ZGPAT: variants seen among roughly 807,000 people sequenced by gnomAD.
The protein encoded by ZGPAT is zinc finger CCCH-type and G-patch domain containing, also known as zinc finger CCCH-type with G patch domain-containing protein.
ZGPAT carries 39 observed loss-of-function variants against 47.9 expected under a neutral mutation model. That is an observed-to-expected ratio of 0.81 (90% CI 0.63 to 1.06). The LOEUF is 1.06. Among genes scored for constraint, ZGPAT ranks in the 50% least tolerant of loss-of-function variants. The pLI is 0.00. For missense variants in ZGPAT, 717 were observed against 681.4 expected, an observed-to-expected ratio of 1.05 and a Z score of -0.58; for synonymous variants, 348 against 292.9, an observed-to-expected ratio of 1.19 and a Z score of -1.92.
intron 2 of ZGPAT, among the ~76,000 whole-genome samples, chr20:63,721,810 G>C (rs111971759): frequency 9.5e-4 from 144 of 152,222 alleles, no homozygotes; most frequent in African/African-American, 3.3e-3. Flanking sequence ...GAGGTCAGGA[G>C]TTCGAGACCA....
intron 5 of ZGPAT, 84 bp downstream of exon 5, chr20:63,734,908 C>T: frequency 6.8e-7 from 1 of 1,465,282 alleles, no homozygotes; most frequent in East Asian, 2.4e-5. Context: ...CGGGGTCCCG[C>T]AGCCATCGGG....
intron 2 of ZGPAT, among the ~76,000 whole-genome samples, chr20:63,714,154 G>A (rs1441441602): frequency 6.6e-6 from 1 of 151,812 alleles, no homozygotes; most frequent in Non-Finnish European, 1.5e-5. Flanking sequence ...GGCCGGGGGT[G>A]GTGGCTCACA....
At chr20:63,713,788 T>C (rs1312328035) in intron 2 of ZGPAT, among the ~76,000 whole-genome samples, 1 of 151,422 alleles carries the variant, frequency 6.6e-6, no homozygotes, top group African/African-American at 2.4e-5. Flanking sequence ...AGAGAATTGC[T>C]TGAACCTGGG....
At chr20:63,719,315 G>A (rs1197053431) in intron 2 of ZGPAT, among the ~76,000 whole-genome samples, 1 of 152,100 alleles carries the variant, frequency 6.6e-6, no homozygotes, top group African/African-American at 2.4e-5. Flanking sequence ...CATTAAATTT[G>A]CAAAGTTTCA....
In ZGPAT at chr20:63,734,784, C is replaced by T. The variant is rs1023252484; in HGVS notation, c.951C>T (p.Gly317=). The T allele has an allele frequency of 4.3e-6, 7 of 1,609,894 alleles. No homozygotes were observed. The highest frequency in any genetic ancestry group is 5.9e-6 in the Non-Finnish European group (7 of 1,178,004). Residue 317 remains glycine (G), a synonymous_variant, in exon 5 of 7, where the codon GGC becomes GGT. Transcript: ENST00000355969. ...GGGAGGTGCACACGCGAGGTATAGGCTCCAGACTCCTCACCAAGATGGGCT... is the reference window on the plus strand; with the variant it reads ...GGGAGGTGCACACGCGAGGTATAGGTTCCAGACTCCTCACCAAGATGGGCT... ...AGWEVHTRGI[G]SRLLTKMGYE... is the part of the protein sequence containing the mutation.
chr20:63,722,943 C>T (rs1007099520), intron 2 of ZGPAT, among the ~76,000 whole-genome samples: 1 of 152,098 alleles, frequency 6.6e-6, no homozygotes, highest in Non-Finnish European at 1.5e-5. Context: ...AGTATGGCAA[C>T]GTGTCTATAA....
At chr20:63,731,843 A>G (rs2091907771) in intron 2 of ZGPAT, among the ~76,000 whole-genome samples, 1 of 152,234 alleles carries the variant, frequency 6.6e-6, no homozygotes, top group Non-Finnish European at 1.5e-5. Flanking sequence ...GCGTCTGTAC[A>G]CTGTATAACA....
At chr20:63,725,188 GT>G (rs1362625351) in intron 2 of ZGPAT, among the ~76,000 whole-genome samples, 1 of 152,100 alleles carries the variant, frequency 6.6e-6, no homozygotes, top group Non-Finnish European at 1.5e-5. Context: ...GTTTCACCGT[GT>G]TAGCCAGGAT....
chr20:63,721,865 A>C (rs1247661240), intron 2 of ZGPAT, among the ~76,000 whole-genome samples: 1 of 151,898 alleles, frequency 6.6e-6, no homozygotes, highest in Non-Finnish European at 1.5e-5. Context: ...AAAATACAAA[A>C]ATTAGCTGGG....
chr20:63,721,645 C>A (rs1395057958), intron 2 of ZGPAT, among the ~76,000 whole-genome samples: 2 of 152,202 alleles, frequency 1.3e-5, no homozygotes, highest in South Asian at 4.1e-4. Context: ...CCAGCCTCTT[C>A]CTTCCTAGGC....
At position 63,733,706 on chromosome 20, in the gene ZGPAT, A is replaced by G; in HGVS notation, c.838A>G (p.Ser280Gly). ...RTEATESDSD[S>G]DGTGDSSYAR... Reference sequence around the variant, plus strand: ...AGAGGCCACAGAGTCCGACTCAGACAGCGACGGTACGGGTGACTCCAGCTA... The same window carrying G: ...AGAGGCCACAGAGTCCGACTCAGACGGCGACGGTACGGGTGACTCCAGCTA... Residue 280 changes from serine (S) to glycine (G), a missense_variant, in exon 4 of 7, where the codon AGC (serine) becomes GGC (glycine). Coordinates refer to ENST00000355969, the MANE Select transcript of ZGPAT (RefSeq NM_181485.3). 6.2e-7 allele frequency: 1 copy of G among 1,613,836 alleles called. No individual in the cohort carries two copies. Among genetic ancestry groups the G allele is most frequent in the Non-Finnish European group, 8.5e-7 (1 of 1,179,956 alleles).
chr20:63,713,237 AT>A (rs1176511781), intron 2 of ZGPAT, among the ~76,000 whole-genome samples: 19 of 140,624 alleles, frequency 1.4e-4, no homozygotes, highest in East Asian at 4.3e-4. Flanking sequence ...CACCCAGCTA[AT>A]TTTTTTTTTT....
At chr20:63,710,348 T>G (rs2091652724) in intron 2 of ZGPAT, among the ~76,000 whole-genome samples, 1 of 150,718 alleles carries the variant, frequency 6.6e-6, no homozygotes. Context: ...GAGTCGGAGA[T>G]TCACCATCTT....
chr20:63,714,778 G>A (rs552148228), intron 2 of ZGPAT, among the ~76,000 whole-genome samples: 1 of 152,044 alleles, frequency 6.6e-6, no homozygotes, highest in South Asian at 2.1e-4. Context: ...GAGTAGGTGA[G>A]ACTACAGGCA....
intron 2 of ZGPAT, among the ~76,000 whole-genome samples, chr20:63,714,148 G>A (rs148272753): frequency 1.7e-4 from 26 of 152,084 alleles, no homozygotes; most frequent in African/African-American, 5.3e-4. Flanking sequence ...AGAGCGGGCC[G>A]GGGGTGGTGG....
chr20:63,733,289 C>A lies in ZGPAT; in HGVS notation c.655C>A (p.Gln219Lys). 1.2e-6 allele frequency: 2 copies of A among 1,613,692 alleles called. No homozygotes were observed. Among genetic ancestry groups the A allele is most frequent in the Non-Finnish European group, 1.7e-6 (2 of 1,179,964 alleles). The change falls in exon 3 of 7, where the codon CAG (glutamine) becomes AAG (lysine). Residue 219 changes from glutamine to lysine, a missense_variant. Coordinates refer to ENST00000355969, the MANE Select transcript of ZGPAT (RefSeq NM_181485.3). ...PFQDPDLSSLQAGSACLAKHQ... is the reference protein window; with the variant it reads ...PFQDPDLSSLKAGSACLAKHQ... ...CCAGGACCCAGACCTGAGCTCCCTG[C>A]AGGCCGGCTCTGCGTGTCTGGCCAA...
chr20:63,720,420 G>A (rs1802241607), intron 2 of ZGPAT, among the ~76,000 whole-genome samples: 2 of 152,072 alleles, frequency 1.3e-5, no homozygotes, highest in Admixed American at 1.3e-4. Flanking sequence ...CTCCCAAAGT[G>A]CTGGAATTAC....
intron 2 of ZGPAT, 38 bp downstream of exon 2, chr20:63,709,202 G>GT: frequency 6.3e-7 from 1 of 1,597,372 alleles, no homozygotes; most frequent in Non-Finnish European, 8.5e-7. Flanking sequence ...CCTTAGGGGC[G>GT]TAAGGGGCAC....
In ZGPAT at chr20:63,733,195, T is replaced by C. The variant is rs773451927; in HGVS notation, c.585-24T>C. 2.5e-6 allele frequency: 4 copies of C among 1,609,194 alleles called. No individual in the cohort carries two copies. The African/African-American group carries it at 5.3e-5, about 22-fold the overall frequency. On this transcript the variant is annotated intron_variant, in intron 2 of 6. Coordinates refer to ENST00000355969, the MANE Select transcript of ZGPAT (RefSeq NM_181485.3). ...CCCCTGGTGGCCCATGTCTGAGCCCTGCCCCTTACGGCTCTGTCTGCAGGT... is the reference window on the plus strand; with the variant it reads ...CCCCTGGTGGCCCATGTCTGAGCCCCGCCCCTTACGGCTCTGTCTGCAGGT...
Sources: gnomAD v4.1 joint callset for allele counts (sites outside exome capture counted in the v4.1 genomes callset) on GRCh38, gnomAD v4.1.1 for gene constraint, MANE v1.5 for transcripts, NCBI Gene and HGNC (gene_info 2026-07-23, HGNC 2026-07-21) for gene names.